GPM6A: variants seen among roughly 807,000 people sequenced by gnomAD.
The protein encoded by GPM6A is neuronal membrane glycoprotein M6-a.
GPM6A carries 7 observed loss-of-function variants against 32.1 expected under a neutral mutation model. The ratio of observed to expected loss-of-function variants is 0.22; its 90% CI spans 0.12 to 0.41. The LOEUF is 0.41. Ranked by LOEUF, GPM6A falls within the 10% of genes least tolerant of loss-of-function variation. GPM6A has a pLI of 1.00. For synonymous variants in GPM6A, 130 were observed against 123.4 expected (o/e 1.05, Z -0.35); for missense variants, 235 against 347.2 (o/e 0.68, Z 2.57).
intron 1 of GPM6A, among the ~76,000 whole-genome samples, chr4:175,929,459 A>G (rs1406180107): frequency 6.6e-6 from 1 of 152,232 alleles, no homozygotes; most frequent in African/African-American, 2.4e-5. Context: ...GATGTGTAAA[A>G]CAAAGATAAA....
At chr4:175,663,614 CAA>C (rs891344037) in intron 3 of GPM6A, among the ~76,000 whole-genome samples, 1 of 151,908 alleles carries the variant, frequency 6.6e-6, no homozygotes, top group African/African-American at 2.4e-5. Context: ...TATTTGAAAC[CAA>C]TATGTGGTAC....
chr4:175,984,330 T>C (rs1312844775), intron 1 of GPM6A, among the ~76,000 whole-genome samples: 2 of 151,804 alleles, frequency 1.3e-5, no homozygotes, highest in Admixed American at 6.6e-5. Flanking sequence ...GCCCGGCTAA[T>C]TTTTTTGTAT....
chr4:175,835,187 C>T (rs769076260), intron 1 of GPM6A, among the ~76,000 whole-genome samples: 1 of 152,130 alleles, frequency 6.6e-6, no homozygotes, highest in Non-Finnish European at 1.5e-5. Flanking sequence ...CTCCTTTGGA[C>T]CCTATCGATA....
chr4:175,815,997 G>C (rs571202800), upstream of GPM6A, among the ~76,000 whole-genome samples: 1 of 152,002 alleles, frequency 6.6e-6, no homozygotes, highest in Non-Finnish European at 1.5e-5. Flanking sequence ...GATTACAGGC[G>C]TGAGCCACCA....
At chr4:175,703,529 C>A (rs1419821883) in intron 1 of GPM6A, among the ~76,000 whole-genome samples, 2 of 152,162 alleles carry the variant, frequency 1.3e-5, no homozygotes, top group Non-Finnish European at 2.9e-5. Flanking sequence ...GTCAAAAATT[C>A]TTTGGCCATC....
At chr4:175,955,734 T>C (rs1400965255) in intron 1 of GPM6A, among the ~76,000 whole-genome samples, 4 of 152,146 alleles carry the variant, frequency 2.6e-5, no homozygotes, top group Non-Finnish European at 5.9e-5. Context: ...TTTGGCTCCA[T>C]CTGTTTCTAC....
At chr4:175,816,544 T>A (rs1735105626), upstream of GPM6A, among the ~76,000 whole-genome samples, 1 of 152,178 alleles carries the variant, frequency 6.6e-6, no homozygotes, top group Admixed American at 6.5e-5. Context: ...AAGTTGTGGT[T>A]CCAAATATCG....
intron 1 of GPM6A, among the ~76,000 whole-genome samples, chr4:175,713,474 A>G (rs190049475): frequency 6.6e-6 from 1 of 152,296 alleles, no homozygotes; most frequent in East Asian, 1.9e-4. Flanking sequence ...TACAGGTGTG[A>G]GCCACGGAGC....
At chr4:175,725,987 T>TTTC (rs1425253770) in intron 1 of GPM6A, among the ~76,000 whole-genome samples, 24 of 99,248 alleles carry the variant, frequency 2.4e-4, no homozygotes, top group African/African-American at 6.9e-4. Context: ...AAATACCCTG[T>TTTC]TTCTTCTTTT....
chr4:175,717,252 T>C (rs530251857), intron 1 of GPM6A, among the ~76,000 whole-genome samples: 1 of 152,328 alleles, frequency 6.6e-6, no homozygotes, highest in Non-Finnish European at 1.5e-5. Context: ...CTAGGCTCCT[T>C]CCTGCTTACA....
intron 5 of GPM6A, among the ~76,000 whole-genome samples, 168 bp from the exon 6 acceptor site, chr4:175,640,362 C>T (rs1022591567): frequency 6.6e-6 from 1 of 152,136 alleles, no homozygotes; most frequent in African/African-American, 2.4e-5. Context: ...TTTTCCCCTG[C>T]AAATCATTTA....
chr4:175,899,904 A>G (rs1161847715), intron 1 of GPM6A, among the ~76,000 whole-genome samples: 53 of 152,184 alleles, frequency 3.5e-4, no homozygotes, highest in Admixed American at 3.4e-3. Flanking sequence ...CTGCACAGCA[A>G]AGGATCTAAT....
At chr4:175,991,237 T>G (rs1741132366) in intron 1 of GPM6A, among the ~76,000 whole-genome samples, 2 of 151,018 alleles carry the variant, frequency 1.3e-5, no homozygotes, top group Admixed American at 1.3e-4. Context: ...AGCTATTTTT[T>G]TTTTTTTTTT....
At chr4:175,998,037 G>A (rs527892596) in intron 1 of GPM6A, among the ~76,000 whole-genome samples, 1 of 152,056 alleles carries the variant, frequency 6.6e-6, no homozygotes, top group South Asian at 2.1e-4. Context: ...CTCACTAAAG[G>A]TTGGTAACCC....
intron 1 of GPM6A, among the ~76,000 whole-genome samples, chr4:175,737,318 C>T (rs796466469): frequency 6.6e-6 from 1 of 151,882 alleles, no homozygotes; most frequent in South Asian, 2.1e-4. Context: ...TCCTGCACGC[C>T]TATAATCCTG....
rs913405472 is a variant in GPM6A, at chr4:175,699,737, G to A, written c.230+1838C>T. On this transcript the variant is annotated intron_variant, in intron 2 of 6. Coordinates refer to ENST00000393658, the MANE Select transcript of GPM6A (RefSeq NM_201591.3). ...TTATCAGTCTTTCTCTAGGTTTTAA[G>A]TATCAACAGGTTTTAAATAAACAAA... Among the ~76,000 whole-genome samples, 5 of 151,940 alleles carry A rather than the reference G, an allele frequency of 3.3e-5. No homozygotes were observed. In the South Asian group the frequency reaches 1.0e-3, roughly 32 times the overall value.
At position 175,936,323 on chromosome 4, in the gene GPM6A, A is replaced by C. The variant is rs6820675; in HGVS notation, c.-23+65986T>G. Among the ~76,000 whole-genome samples the C allele has an allele frequency of 1.0e-4, 15 of 149,960 alleles. 1 individual carries two copies. The South Asian group carries it at 2.5e-3, about 25-fold the overall frequency. Reference sequence around the variant, plus strand: ...TCTGTCTCCAAAAAAAAAAAAAAAAAAAAAAAAAAAAAACTATACATTCCT... The same window carrying C: ...TCTGTCTCCAAAAAAAAAAAAAAAACAAAAAAAAAAAAACTATACATTCCT... On this transcript the variant is annotated intron_variant, in intron 1 of 7. Transcript: ENST00000280187.
intron 6 of GPM6A, among the ~76,000 whole-genome samples, chr4:175,637,829 AAATATAT>A (rs1181245825): frequency 8.4e-6 from 1 of 118,908 alleles, no homozygotes; most frequent in South Asian, 2.2e-4. Context: ...TTATATATAA[AAATATAT>A]AATATATAAT....
rs548538658 is a variant in GPM6A at position 175,971,979 on chromosome 4, T to G, written c.-23+30330A>C. 5 of 152,268 alleles carry G rather than the reference T, an allele frequency of 3.3e-5. No individual in the cohort carries two copies. The South Asian group carries it at 1.0e-3, about 32-fold the overall frequency. The allele number at this position is 152,268 out of a possible 1,614,324, so 9.4% of individuals were successfully genotyped here. A position where few individuals can be genotyped will look rare whatever the true frequency, so the allele number is the denominator to read the frequency against. Reference sequence around the variant, plus strand: ...CTTACTGCTGGGGCATGCAGCTGAGTACATTGTTCTCCGCGGTTGTCTACT... The same window carrying G: ...CTTACTGCTGGGGCATGCAGCTGAGGACATTGTTCTCCGCGGTTGTCTACT... On this transcript the variant is annotated intron_variant, in intron 1 of 7. Coordinates refer to the GPM6A transcript ENST00000280187.
Sources: gnomAD v4.1 joint callset for allele counts (sites outside exome capture counted in the v4.1 genomes callset) on GRCh38, gnomAD v4.1.1 for gene constraint, MANE v1.5 for transcripts, NCBI Gene and HGNC (gene_info 2026-07-23, HGNC 2026-07-21) for gene names.